CEACAM18: variants seen among roughly 807,000 people sequenced by gnomAD.
CEACAM18 encodes cell adhesion molecule CEACAM18.
CEACAM18 carries 33 observed loss-of-function variants against 34.3 expected under a neutral mutation model. That is an observed-to-expected ratio of 0.96 (90% CI 0.73 to 1.29). CEACAM18 has a LOEUF of 1.29. Among genes scored for constraint, CEACAM18 ranks in the 50% most tolerant of loss-of-function variants. The pLI, the probability that CEACAM18 is intolerant of heterozygous loss-of-function variation, is 0.00. For synonymous variants in CEACAM18, 169 were observed against 180.9 expected, an observed-to-expected ratio of 0.93 and a Z score of 0.53; for missense variants, 474 against 485.0, an observed-to-expected ratio of 0.98 and a Z score of 0.21.
intron 4 of CEACAM18, among the ~76,000 whole-genome samples, chr19:51,484,525 T>A (rs1018437723): frequency 2.6e-5 from 4 of 152,190 alleles, no homozygotes; most frequent in Admixed American, 6.5e-5. Flanking sequence ...TTTCACCATG[T>A]TGCCCAGGCT....
exon 3 of CEACAM18, chr19:51,481,601 G>C: frequency 6.2e-7 from 1 of 1,614,034 alleles, no homozygotes; most frequent in Non-Finnish European, 8.5e-7. Flanking sequence ...GAACAATTCA[G>C]TGCATGATAG....
chr19:51,480,980 C>A (rs1989904706), intron 2 of CEACAM18, among the ~76,000 whole-genome samples: 1 of 152,180 alleles, frequency 6.6e-6, no homozygotes, highest in South Asian at 2.1e-4. Flanking sequence ...GAGGAACCCA[C>A]CATTGTGGTT....
At chr19:51,489,474 G>C (rs1213767958) in intron 5 of CEACAM18, among the ~76,000 whole-genome samples, 1 of 152,016 alleles carries the variant, frequency 6.6e-6, no homozygotes, top group Admixed American at 6.6e-5. Context: ...GCATTTCCTA[G>C]AATAAATGGT....
At chr19:51,486,970 C>T (rs1022016741) in intron 5 of CEACAM18, among the ~76,000 whole-genome samples, 2 of 151,850 alleles carry the variant, frequency 1.3e-5, no homozygotes, top group Admixed American at 6.6e-5. Context: ...GATCCGCCCG[C>T]CTCAGCATCC....
At position 51,481,740 on chromosome 19, in the gene CEACAM18, C is replaced by A. The variant is rs547419670; in HGVS notation, c.673+75C>A. ...TTCTAGGGATAGGAATATGTTAGGA[C>A]AGGCTGAGCTGGAGAGAGGGGGCAT... On this transcript the variant is annotated intron_variant, in intron 3 of 5. Coordinates refer to ENST00000396477, the Ensembl canonical transcript of CEACAM18. The A allele has an allele frequency of 7.1e-5, 104 of 1,471,540 alleles. No homozygotes were observed. The African/African-American group carries it at 1.4e-3, about 19-fold the overall frequency. 91.2% of individuals were successfully genotyped at this position (1,471,540 alleles called of 1,614,324 possible). A position where few individuals can be genotyped will look rare whatever the true frequency, so the allele number is the denominator to read the frequency against.
chr19:51,482,920 T>G (rs1599943357), intron 3 of CEACAM18, 97 bp from the exon 4 acceptor site: 1 of 1,462,162 alleles, frequency 6.8e-7, no homozygotes. Context: ...TAGCCCGAGG[T>G]GCACAATGGG....
chr19:51,484,710 G>C (rs1237920269), intron 4 of CEACAM18, among the ~76,000 whole-genome samples: 4 of 152,196 alleles, frequency 2.6e-5, no homozygotes, highest in African/African-American at 9.7e-5. Context: ...CTCCCCTTAT[G>C]AGGGTTTATT....
chr19:51,484,250 C>A (rs1252098343), intron 4 of CEACAM18, among the ~76,000 whole-genome samples: 1 of 152,076 alleles, frequency 6.6e-6, no homozygotes, highest in Non-Finnish European at 1.5e-5. Flanking sequence ...TGCAGCCCTC[C>A]AAGTCATCGA....
intron 5 of CEACAM18, among the ~76,000 whole-genome samples, chr19:51,488,105 A>G (rs898080863): frequency 6.6e-6 from 1 of 152,150 alleles, no homozygotes; most frequent in African/African-American, 2.4e-5. Context: ...CCCTCACCCC[A>G]ACCCCAGGAA....
chr19:51,479,892 A>G (rs1454002336), intron 1 of CEACAM18, among the ~76,000 whole-genome samples: 1 of 152,154 alleles, frequency 6.6e-6, no homozygotes, highest in Non-Finnish European at 1.5e-5. Context: ...TGGGGACAGG[A>G]TGGGGTAGGT....
Position 51,479,521 on chromosome 19 carries a change from A to T in CEACAM18, c.53-812A>T, listed in dbSNP as rs534993004. Among the ~76,000 whole-genome samples, 5 of 152,356 alleles carry T rather than the reference A, an allele frequency of 3.3e-5. No individual in the cohort carries two copies. The East Asian group carries it at 7.7e-4, about 24-fold the overall frequency. ...GCAGTCCTGCCCTCCTGGAGCCCACAGTCCAGGGCGAGATATAGATATGTG... is the reference window on the plus strand; with the variant it reads ...GCAGTCCTGCCCTCCTGGAGCCCACTGTCCAGGGCGAGATATAGATATGTG... On this transcript the variant is annotated intron_variant, in intron 1 of 5. Transcript: ENST00000396477.
exon 6 of CEACAM18, chr19:51,490,808 A>AC (rs1287720227): frequency 5.0e-6 from 2 of 403,444 alleles, no homozygotes; most frequent in African/African-American, 4.1e-5. Context: ...TGCAGACCCC[A>AC]CCCGGGACCT....
At chr19:51,484,908 A>T in intron 4 of CEACAM18, 79 bp from the exon 5 acceptor site, 3 of 1,473,652 alleles carry the variant, frequency 2.0e-6, no homozygotes, top group Non-Finnish European at 2.7e-6. Flanking sequence ...AAGAATGGAT[A>T]TGTGGGTGGG....
intron 5 of CEACAM18, among the ~76,000 whole-genome samples, chr19:51,486,091 G>A (rs1182958919): frequency 6.6e-6 from 1 of 152,040 alleles, no homozygotes; most frequent in Non-Finnish European, 1.5e-5. Context: ...AGTGGAAATG[G>A]CATTATTGTG....
exon 3 of CEACAM18, chr19:51,481,493 G>C (rs371003616): frequency 6.2e-7 from 1 of 1,613,848 alleles, no homozygotes; most frequent in African/African-American, 1.3e-5. Flanking sequence ...CCAACATCAC[G>C]TGGTATGTGA....
Position 51,480,594 on chromosome 19 carries a change from C to CA in CEACAM18, c.314_315insA (p.Ala106CysfsTer4). 1 of 1,613,958 alleles carries CA rather than the reference C, an allele frequency of 6.2e-7. No individual in the cohort carries two copies. The highest frequency in any genetic ancestry group is 1.1e-5 in the South Asian group (1 of 91,068). ...GAAGGCAGCCTGTTGATCAGGCCGACTGCATTAAATGACACGGGAAACTAC... is the reference window on the plus strand; with the variant it reads ...GAAGGCAGCCTGTTGATCAGGCCGACATGCATTAAATGACACGGGAAACTAC... On this transcript the variant is annotated frameshift_variant, in exon 2 of 6. Transcript: ENST00000396477. LOFTEE classifies it high-confidence loss of function.
At chr19:51,478,981 G>C (rs79159880) in intron 1 of CEACAM18, among the ~76,000 whole-genome samples, 2,707 of 148,138 alleles carry the variant, frequency 0.018, 65 homozygotes, top group East Asian at 0.1. Flanking sequence ...CGCACACACA[G>C]AGAGAGAGAG....
chr19:51,485,274 C>T (rs1390933619), intron 5 of CEACAM18, among the ~76,000 whole-genome samples, 152 bp downstream of exon 5: 2 of 152,152 alleles, frequency 1.3e-5, no homozygotes, highest in Non-Finnish European at 2.9e-5. Flanking sequence ...ACAGATCAGC[C>T]CCCAGGACCT....
exon 4 of CEACAM18, chr19:51,483,164 T>G (rs1989946126): frequency 6.2e-7 from 1 of 1,613,898 alleles, no homozygotes; most frequent in Admixed American, 1.7e-5. Context: ...GGCTCCCTCC[T>G]GAACTTCTCA....
Sources: gnomAD v4.1 joint callset for allele counts (sites outside exome capture counted in the v4.1 genomes callset) on GRCh38, gnomAD v4.1.1 for gene constraint, MANE v1.5 for transcripts, NCBI Gene and HGNC (gene_info 2026-07-23, HGNC 2026-07-21) for gene names.